The following AP1G2 variants were observed in gnomAD, a reference collection of about 807,000 sequenced individuals.
AP1G2 encodes the protein AP-1 complex subunit gamma-like 2.
AP1G2 carries 85 observed loss-of-function variants against 95.8 expected under a neutral mutation model. The ratio of observed to expected loss-of-function variants is 0.89; its 90% CI spans 0.74 to 1.06. AP1G2 has a LOEUF of 1.06. Ranked by LOEUF, AP1G2 falls within the 50% of genes least tolerant of loss-of-function variation. The pLI is 0.00. For synonymous variants in AP1G2, 378 were observed against 400.0 expected, an observed-to-expected ratio of 0.94 and a Z score of 0.66; for missense variants, 967 against 1,005.8, an observed-to-expected ratio of 0.96 and a Z score of 0.52.
At position 23,564,134 on chromosome 14, in the gene AP1G2, G is replaced by A. The variant is rs138038447; in HGVS notation, c.1003C>T (p.Arg335Ter). 75 of 1,614,014 alleles carry A rather than the reference G, an allele frequency of 4.6e-5. No individual in the cohort carries two copies. The highest frequency in any genetic ancestry group is 5.6e-5 in the Non-Finnish European group (66 of 1,180,010). ...GCACTGTGATCAGACTGCACCAGTC[G>A]AAGCAGTGATGTCAGGGCTACATAC... ...IRYVALTSLL[R>*]LVQSDHSAVQ... Residue 335 changes from arginine (R) to a stop codon, truncating the protein, a stop_gained, in exon 11 of 22, where the codon CGA becomes TGA. Transcript: ENST00000397120. LOFTEE classifies it high-confidence loss of function.
Position 23,565,864 on chromosome 14 carries a change from G to A in AP1G2, c.597C>T (p.Ile199=), listed in dbSNP as rs1371584503. ...CAGGGCTTCGTTCGCAGAGCTCCGT[G>A]ATCAGCGTGATGGTGCCCAGCAGGA... The part of the protein sequence containing the change: ...HGILLGTITL[I]TELCERSPAA... Residue 199 remains isoleucine (I), a synonymous_variant, in exon 6 of 22, where the codon ATC becomes ATT. Coordinates refer to ENST00000397120, the MANE Select transcript of AP1G2 (RefSeq NM_003917.5). 3 of 1,579,450 alleles carry A rather than the reference G, an allele frequency of 1.9e-6. No homozygotes were observed. The highest frequency in any genetic ancestry group is 1.2e-5 in the South Asian group (1 of 85,296).
At position 23,563,618 on chromosome 14, in the gene AP1G2, C is replaced by T; in HGVS notation, c.1253G>A (p.Trp418Ter). ...AAERFAPTKRWHIDTILHVLT... is the reference protein window; with the variant it reads ...AAERFAPTKR ...CACATGCAGGATGGTGTCTATGTGC[C>T]AGCGTTTGGTTGGAGCAAACCTAGG... is the stretch of plus-strand genomic sequence containing the variant. The change falls in exon 13 of 22, where the codon TGG becomes TAG. Residue 418 changes from tryptophan to a stop codon, truncating the protein, a stop_gained. Coordinates refer to ENST00000397120, the MANE Select transcript of AP1G2 (RefSeq NM_003917.5). LOFTEE classifies it high-confidence loss of function. The T allele has an allele frequency of 1.2e-6, 2 of 1,614,178 alleles. No homozygotes were observed.
Position 23,566,678 on chromosome 14 carries a change from G to A in AP1G2, c.213C>T (p.Cys71=). 6.2e-7 allele frequency: 1 copy of A among 1,614,168 alleles called. No individual in the cohort carries two copies. The highest frequency in any genetic ancestry group is 2.2e-5 in the East Asian group (1 of 44,884). ...GYPAHFGQME[C]LKLIASSRFT... is the part of the protein sequence containing the mutation. ...ATCTGGAGGAGGCGATCAGTTTCAG[G>A]CACTCCATCTATAGTGAAGGGGGCA... is the stretch of plus-strand genomic sequence containing the variant. The change falls in exon 3 of 22, where the codon TGC becomes TGT. Residue 71 remains cysteine, a synonymous_variant. Coordinates refer to ENST00000397120, the MANE Select transcript of AP1G2 (RefSeq NM_003917.5).
rs370061280 is a variant in AP1G2 at position 23,562,727 on chromosome 14, A to ACCC, written c.1411-137_1411-135dup. ...AGACCAGCCTGGGCAACAAAGCGAG[A>ACCC]CCCCCCCCATCTCTATTTTAAAAAA... On this transcript the variant is annotated intron_variant, in intron 14 of 21. Transcript: ENST00000397120. 9 of 742,202 alleles carry ACCC rather than the reference A, an allele frequency of 1.2e-5. No homozygotes were observed. In the African/African-American group the frequency reaches 1.5e-4, roughly 12 times the overall value. The allele number at this position is 742,202 out of a possible 1,614,324, so 46.0% of individuals were successfully genotyped here.
intron 19 of AP1G2, chr14:23,561,013 A>G: frequency 1.1e-6 from 1 of 937,808 alleles, no homozygotes; most frequent in Non-Finnish European, 1.4e-6. Context: ...CAAGGGTGGG[A>G]GGGTGTGAGG....
At position 23,559,800 on chromosome 14, in the gene AP1G2, C is replaced by A; in HGVS notation, c.2307G>T (p.Ser769=). 2 of 1,614,088 alleles carry A rather than the reference C, an allele frequency of 1.2e-6. No homozygotes were observed. The highest frequency in any genetic ancestry group is 8.5e-7 in the Non-Finnish European group (1 of 1,180,026). ...LRLTYDHFHQ[S]VQEIFEVNNL... ...TGTTCACCTCAAAGATCTCCTGCACCGACTGGTGAAAGTGGTCGTAGGTGA... is the reference window on the plus strand; with the variant it reads ...TGTTCACCTCAAAGATCTCCTGCACAGACTGGTGAAAGTGGTCGTAGGTGA... Residue 769 remains serine, a synonymous_variant, in exon 22 of 22, where the codon TCG becomes TCT. Coordinates refer to ENST00000397120, the MANE Select transcript of AP1G2 (RefSeq NM_003917.5).
intron 7 of AP1G2, 73 bp downstream of exon 7, chr14:23,565,533 G>A (rs1566654495): frequency 4.5e-6 from 6 of 1,331,438 alleles, no homozygotes; most frequent in Non-Finnish European, 5.3e-6. Context: ...TTCTCTGGGA[G>A]GAAACCACTG....
At position 23,559,810 on chromosome 14, in the gene AP1G2, A is replaced by C; in HGVS notation, c.2297T>G (p.Phe766Cys). The part of the protein sequence containing the change: ...RLKLRLTYDH[F>C]HQSVQEIFEV... ...AAAGATCTCCTGCACCGACTGGTGAAAGTGGTCGTAGGTGAGGCGCAGCTT... is the reference window on the plus strand; with the variant it reads ...AAAGATCTCCTGCACCGACTGGTGACAGTGGTCGTAGGTGAGGCGCAGCTT... Residue 766 changes from phenylalanine (F) to cysteine (C), a missense_variant, in exon 22 of 22, where the codon TTT (phenylalanine) becomes TGT (cysteine). Physicochemically the swap from Phe to Cys is radical, Grantham distance 205. Transcript: ENST00000397120. The C allele has an allele frequency of 6.2e-7, 1 of 1,614,114 alleles. No individual in the cohort carries two copies. Among genetic ancestry groups the C allele is most frequent in the Non-Finnish European group, 8.5e-7 (1 of 1,180,026 alleles).
Position 23,565,625 on chromosome 14 carries a change from A to C in AP1G2, c.722T>G (p.Val241Gly). The C allele has an allele frequency of 6.2e-7, 1 of 1,613,850 alleles. No homozygotes were observed. The highest frequency in any genetic ancestry group is 1.1e-5 in the South Asian group (1 of 91,072). ...CCCCACCTGCAGGAAGGGGTCGCTG[A>C]CTCCAGATATGCTGTGTTCTGTGGA... ...GYSTEHSISG[V>G]SDPFLQVQIL... is the part of the protein sequence containing the mutation. Residue 241 changes from valine (V) to glycine (G), a missense_variant, in exon 7 of 22, where the codon GTC (valine) becomes GGC (glycine). Physicochemically the swap from Val to Gly is moderately radical, Grantham distance 109 (BLOSUM62 -3). Transcript: ENST00000397120.
chr14:23,560,476 A>T, intron 19 of AP1G2, 58 bp from the exon 20 acceptor site: 1 of 1,549,198 alleles, frequency 6.5e-7, no homozygotes, highest in Non-Finnish European at 8.7e-7. Context: ...ATGTTTGTTC[A>T]TTCATTCAAC....
Position 23,565,204 on chromosome 14 carries a change from G to A in AP1G2, c.742-5C>T, listed in dbSNP as rs1376732103. 6.2e-7 allele frequency: 1 copy of A among 1,614,008 alleles called. No individual in the cohort carries two copies. On this transcript the variant is annotated splice_polypyrimidine_tract_variant and splice_region_variant and intron_variant, in intron 7 of 21. Transcript: ENST00000397120. ...AAGCAGACGAAGTATCTGGACCTGA[G>A]GTTGGGTTGAAAATGGAAAGTTGGA...
In AP1G2 at chr14:23,560,368, G is replaced by T; in HGVS notation, c.2044C>A (p.Leu682Met). The T allele has an allele frequency of 6.2e-7, 1 of 1,614,156 alleles. No individual in the cohort carries two copies. Among genetic ancestry groups the T allele is most frequent in the Non-Finnish European group, 8.5e-7 (1 of 1,180,006 alleles). Reference protein sequence around the residue: ...VFEREGVQLNLSFIRPPENPA... With the variant: ...VFEREGVQLNMSFIRPPENPA... ...TTTTCAGGGGGTCGAATGAAAGACA[G>T]ATTCAGCTGTACTCCCTCACGCTCA... The change falls in exon 20 of 22, where the codon CTG becomes ATG. Residue 682 changes from leucine to methionine, a missense_variant. By Grantham distance (15) the Leu-to-Met change is conservative. Coordinates refer to ENST00000397120, the MANE Select transcript of AP1G2 (RefSeq NM_003917.5).
chr14:23,565,391 T>C (rs1205272091), intron 7 of AP1G2, 192 bp from the exon 8 acceptor site: 7 of 718,024 alleles, frequency 9.7e-6, no homozygotes, highest in Non-Finnish European at 1.6e-5. Context: ...TAGGACAGGC[T>C]TAAAAAAAAA....
intron 8 of AP1G2, 36 bp downstream of exon 8, chr14:23,565,083 A>G (rs1029931217): frequency 3.7e-6 from 6 of 1,609,738 alleles, no homozygotes; most frequent in Non-Finnish European, 5.1e-6. Context: ...GGGGTCTCCA[A>G]GCAACACAGC....
chr14:23,567,300 CGAAGG>C lies in AP1G2; in HGVS notation c.10_14del (p.Pro4AlafsTer91), dbSNP rs761719328. On this transcript the variant is annotated frameshift_variant, in exon 2 of 22. Coordinates refer to ENST00000397120, the MANE Select transcript of AP1G2 (RefSeq NM_003917.5). LOFTEE classifies it high-confidence loss of function. The surrounding 1 kb of genome is among the most constrained non-coding windows in gnomAD (Gnocchi z 5.3). Reference sequence around the variant, plus strand: ...CTTCGATGAGGTCCTGAAGCTTCAGCGAAGGCACCACCATCCTGACTGGCAGAGTC... The same window carrying C: ...CTTCGATGAGGTCCTGAAGCTTCAGCCACCACCATCCTGACTGGCAGAGTC... 1.9e-6 allele frequency: 3 copies of C among 1,612,584 alleles called. No individual in the cohort carries two copies. In the Admixed American group the frequency reaches 5.0e-5, roughly 27 times the overall value.
rs1566629125 is a variant in AP1G2 at position 23,562,273 on chromosome 14, G to T, written c.1628+15C>A. On this transcript the variant is annotated intron_variant, in intron 16 of 21. Transcript: ENST00000397120. ...GTGACAGGCCATCTCTCAAGGGGCT[G>T]GGACCCCTTCTTACTTGTTGTCCCC... 2 of 1,614,002 alleles carry T rather than the reference G, an allele frequency of 1.2e-6. No individual in the cohort carries two copies. Among genetic ancestry groups the T allele is most frequent in the Non-Finnish European group, 1.7e-6 (2 of 1,179,924 alleles).
In AP1G2 at chr14:23,566,133, G is replaced by A. The variant is rs756362823; in HGVS notation, c.499C>T (p.Arg167Trp). The part of the protein sequence containing the change: ...KAILTAVHMI[R>W]KVPELSSVFL... ...ACACTGGAGAGTTCAGGGACCTTCC[G>A]GATCATGTGCACTGCAGTCAGAATA... Residue 167 changes from arginine (R) to tryptophan (W), a missense_variant, in exon 5 of 22, where the codon CGG (arginine) becomes TGG (tryptophan). Coordinates refer to ENST00000397120, the MANE Select transcript of AP1G2 (RefSeq NM_003917.5). The A allele has an allele frequency of 4.4e-6, 7 of 1,608,206 alleles. No homozygotes were observed. Among genetic ancestry groups the A allele is most frequent in the African/African-American group, 2.7e-5 (2 of 74,820 alleles).
At position 23,567,577 on chromosome 14, in the gene AP1G2, C is replaced by G; in HGVS notation, c.-6+162G>C. 7.8e-7 allele frequency: 1 copy of G among 1,281,522 alleles called. No homozygotes were observed. Among genetic ancestry groups the G allele is most frequent in the Non-Finnish European group, 9.8e-7 (1 of 1,016,036 alleles). 79.4% of individuals were successfully genotyped at this position (1,281,522 alleles called of 1,614,324 possible). On this transcript the variant is annotated intron_variant, in intron 1 of 21. Transcript: ENST00000397120. This position sits in a 1 kb window ranked among gnomAD's most constrained non-coding sequence, Gnocchi z 5.3. The stretch of plus-strand genomic sequence containing the variant: ...GCGCGGGAGCCCCACCTATTTCTCT[C>G]TACCGTTTCCTCCCCCTACCTGGTA...
Position 23,561,314 on chromosome 14 carries a change from A to C in AP1G2, c.1975T>G (p.Cys659Gly). ...GALVHLLDLP[C>G]VPPPPAPIPD... ...GGCTTACCTGGGGGTGGAGGTACACAGGGAAGGTCAAGCAGGTGTACCAGG... is the reference window on the plus strand; with the variant it reads ...GGCTTACCTGGGGGTGGAGGTACACCGGGAAGGTCAAGCAGGTGTACCAGG... Residue 659 changes from cysteine (C) to glycine (G), a missense_variant, in exon 19 of 22, where the codon TGT (cysteine) becomes GGT (glycine). Cys to Gly is a radical substitution (Grantham distance 159). Transcript: ENST00000397120. The C allele has an allele frequency of 6.5e-7, 1 of 1,547,320 alleles. No homozygotes were observed. Among genetic ancestry groups the C allele is most frequent in the Middle Eastern group, 1.7e-4 (1 of 5,728 alleles).
Sources: allele counts gnomAD v4.1 joint callset, GRCh38; gene constraint gnomAD v4.1.1; non-coding constraint Gnocchi (gnomAD v3.1); transcripts MANE v1.5; gene names NCBI Gene and HGNC (gene_info 2026-07-23, HGNC 2026-07-21).